The following FBXO22 variants were observed in gnomAD, a reference collection of about 807,000 sequenced individuals.
FBXO22 encodes F-box protein 22, also known as F-box only protein 22.
A neutral mutation model predicts 37.2 loss-of-function variants in FBXO22; 13 were observed. That is an observed-to-expected ratio of 0.35 (90% CI 0.23 to 0.56). The LOEUF (loss-of-function observed/expected upper bound fraction) is 0.56, where lower values mean the gene tolerates loss of function less well. Among genes scored for constraint, FBXO22 ranks in the 20% least tolerant of loss-of-function variants. The probability of loss-of-function intolerance (pLI) is 0.87; values close to 1 mark genes in which losing one functional copy is unlikely to be tolerated. For synonymous variants in FBXO22, 189 were observed against 189.1 expected (o/e 1.00, Z 0.00); for missense variants, 446 against 509.9 (o/e 0.87, Z 1.21).
At chr15:75,914,036 C>CT in intron 3 of FBXO22, 74 bp from the exon 4 acceptor site, 2 of 1,080,232 alleles carry the variant, frequency 1.9e-6, no homozygotes, top group Non-Finnish European at 2.8e-6. Flanking sequence ...CCAGTATTTG[C>CT]TTTTTTACTT....
At chr15:75,930,454 TC>T in intron 6 of FBXO22, 1 of 997,770 alleles carries the variant, frequency 1.0e-6, no homozygotes, top group Non-Finnish European at 1.2e-6. Flanking sequence ...GCTGTGGAAA[TC>T]TGGAAGGAGA....
intron 5 of FBXO22, among the ~76,000 whole-genome samples, chr15:75,928,054 C>T (rs1034525886): frequency 1.3e-5 from 2 of 151,982 alleles, no homozygotes; most frequent in African/African-American, 2.4e-5. Flanking sequence ...ACAATGAGAT[C>T]GTATCCCATA....
intron 4 of FBXO22, among the ~76,000 whole-genome samples, chr15:75,915,523 T>C (rs1900161911): frequency 1.3e-5 from 2 of 152,010 alleles, no homozygotes; most frequent in Admixed American, 6.6e-5. Context: ...CCCAGCACTT[T>C]AGGAGGCCGA....
At chr15:75,917,129 A>C in intron 4 of FBXO22, 101 bp from the exon 5 acceptor site, 1 of 832,248 alleles carries the variant, frequency 1.2e-6, no homozygotes, top group South Asian at 1.7e-5. Context: ...ACTTTTACTC[A>C]GATAGTGGCT....
chr15:75,913,182 A>ATTTTTTTTTTTTTTTTTTTTTTT, intron 2 of FBXO22, 21 bp from the exon 3 acceptor site: 1 of 1,178,226 alleles, frequency 8.5e-7, no homozygotes, highest in Non-Finnish European at 1.2e-6. Flanking sequence ...TCCAATTCCA[A>ATTTTTTTTTTTTTTTTTTTTTTT]TTTTTTTTTT....
intron 4 of FBXO22, among the ~76,000 whole-genome samples, chr15:75,915,125 C>T (rs1354829262): frequency 6.6e-6 from 1 of 151,974 alleles, no homozygotes; most frequent in African/African-American, 2.4e-5. Context: ...CCGCCACCAC[C>T]ACACCTGGCT....
At chr15:75,918,117 G>A (rs1458710947) in intron 5 of FBXO22, among the ~76,000 whole-genome samples, 1 of 152,114 alleles carries the variant, frequency 6.6e-6, no homozygotes, top group Non-Finnish European at 1.5e-5. Flanking sequence ...ATCACTGTTG[G>A]CATAAAAACT....
rs1378058779 is a variant in FBXO22 at position 75,942,102 on chromosome 15, A to G, written c.*9000A>G. The G allele has an allele frequency of 6.6e-6, 1 of 151,996 alleles. No individual in the cohort carries two copies. Among genetic ancestry groups the G allele is most frequent in the Non-Finnish European group, 1.5e-5 (1 of 67,984 alleles). The allele number at this position is 151,996 out of a possible 1,614,324, so 9.4% of individuals were successfully genotyped here. Reference sequence around the variant, plus strand: ...CTACATACTACATGATTTCAAATATATGACATTCTGGAGAAAGCAAAGTTA... The same window carrying G: ...CTACATACTACATGATTTCAAATATGTGACATTCTGGAGAAAGCAAAGTTA... On this transcript the variant is annotated 3_prime_UTR_variant, in exon 7 of 7. Coordinates refer to ENST00000308275, the MANE Select transcript of FBXO22 (RefSeq NM_147188.3).
Position 75,903,899 on chromosome 15 carries a change from C to G in FBXO22, c.-65C>G. On this transcript the variant is annotated 5_prime_UTR_variant, in exon 1 of 7. Coordinates refer to ENST00000308275, the MANE Select transcript of FBXO22 (RefSeq NM_147188.3). ...GCTCAGTGCGCGCCGGCCGGGCAAC[C>G]CTATGCTGGCGTAATCGGGTTCCTC... 1 of 1,428,952 alleles carries G rather than the reference C, an allele frequency of 7.0e-7. No individual in the cohort carries two copies. The highest frequency in any genetic ancestry group is 9.2e-7 in the Non-Finnish European group (1 of 1,088,524). 88.5% of individuals were successfully genotyped at this position (1,428,952 alleles called of 1,614,324 possible).
intron 2 of FBXO22, among the ~76,000 whole-genome samples, chr15:75,912,742 G>C (rs1900089520): frequency 6.6e-6 from 1 of 152,100 alleles, no homozygotes; most frequent in Admixed American, 6.5e-5. Context: ...GTTTTTGAAG[G>C]ATTTTTCTTG....
rs2030881546 is a variant in FBXO22 at position 75,940,828 on chromosome 15, CA to C, written c.*7730del. The C allele has an allele frequency of 1.3e-5, 2 of 152,004 alleles. No individual in the cohort carries two copies. Among genetic ancestry groups the C allele is most frequent in the African/African-American group, 4.8e-5 (2 of 41,394 alleles). The allele number at this position is 152,004 out of a possible 1,614,324, so 9.4% of individuals were successfully genotyped here. On this transcript the variant is annotated 3_prime_UTR_variant, in exon 7 of 7. Coordinates refer to ENST00000308275, the MANE Select transcript of FBXO22 (RefSeq NM_147188.3). ...CCTCACTCATTTGCAAAAATTAACTCAAAATGGACCAAAGACCTAAATGTGA... is the reference window on the plus strand; with the variant it reads ...CCTCACTCATTTGCAAAAATTAACTCAAATGGACCAAAGACCTAAATGTGA...
At chr15:75,906,252 C>G (rs1378372960) in intron 2 of FBXO22, among the ~76,000 whole-genome samples, 1 of 152,100 alleles carries the variant, frequency 6.6e-6, no homozygotes, top group African/African-American at 2.4e-5. Context: ...CCATTAAGCC[C>G]TGGCTCCTTT....
At position 75,940,689 on chromosome 15, in the gene FBXO22, A is replaced by C. The variant is rs1478601765; in HGVS notation, c.*7587A>C. 6.6e-6 allele frequency: 1 copy of C among 152,136 alleles called. No individual in the cohort carries two copies. Among genetic ancestry groups the C allele is most frequent in the East Asian group, 1.9e-4 (1 of 5,206 alleles). The allele number at this position is 152,136 out of a possible 1,614,324, so 9.4% of individuals were successfully genotyped here. On this transcript the variant is annotated 3_prime_UTR_variant, in exon 7 of 7. Transcript: ENST00000308275. ...GGAGAACCTAGAAATAAACCCTCTC[A>C]TATGTAGGTAAATGATTTTTGACAA...
intron 2 of FBXO22, 99 bp downstream of exon 2, chr15:75,904,728 A>C (rs1899882862): frequency 2.2e-6 from 2 of 911,484 alleles, no homozygotes; most frequent in South Asian, 2.1e-5. Context: ...AATTAAAGGA[A>C]CATCTCGTTC....
At position 75,926,986 on chromosome 15, in the gene FBXO22, A is replaced by T. The variant is rs374592067; in HGVS notation, c.629-2898A>T. Among the ~76,000 whole-genome samples, 11 of 152,318 alleles carry T rather than the reference A, an allele frequency of 7.2e-5. No homozygotes were observed. The East Asian group carries it at 2.1e-3, about 29-fold the overall frequency. ...TTACAGACCTAGAGTTACAATTGAC[A>T]TGTCCTTGTGTTATGGGAGGATGTA... On this transcript the variant is annotated intron_variant, in intron 5 of 6. Transcript: ENST00000308275.
chr15:75,926,579 G>A (rs1187778294), intron 5 of FBXO22, among the ~76,000 whole-genome samples: 1 of 152,214 alleles, frequency 6.6e-6, no homozygotes, highest in Non-Finnish European at 1.5e-5. Flanking sequence ...AGAAGATGGT[G>A]TTAACTGGAA....
chr15:75,915,963 T>TAATTCCAGCTACTC (rs1900173922), intron 4 of FBXO22, among the ~76,000 whole-genome samples: 1 of 149,120 alleles, frequency 6.7e-6, no homozygotes, highest in East Asian at 2.0e-4. Flanking sequence ...TCCAGCTACT[T>TAATTCCAGCTACTC]GGGAGGCTGA....
At chr15:75,924,369 G>A (rs907598446) in intron 5 of FBXO22, among the ~76,000 whole-genome samples, 5 of 152,150 alleles carry the variant, frequency 3.3e-5, no homozygotes, top group Non-Finnish European at 5.9e-5. Flanking sequence ...CCATTTCTTA[G>A]CTTTTGTTTT....
chr15:75,904,206 C>T, intron 1 of FBXO22, 103 bp downstream of exon 1: 3 of 1,398,166 alleles, frequency 2.1e-6, no homozygotes, highest in Non-Finnish European at 2.8e-6. Flanking sequence ...CCACCAGGGC[C>T]GTCCCCGGCT....
Sources: gnomAD v4.1 joint callset for allele counts (sites outside exome capture counted in the v4.1 genomes callset) on GRCh38, gnomAD v4.1.1 for gene constraint, MANE v1.5 for transcripts, NCBI Gene and HGNC (gene_info 2026-07-23, HGNC 2026-07-21) for gene names.